The following BTN3A3 variants were observed in gnomAD, a reference collection of about 807,000 sequenced individuals.
BTN3A3 encodes the protein butyrophilin 3.
A neutral mutation model predicts 43.2 loss-of-function variants in BTN3A3; 39 were observed. That is an observed-to-expected ratio of 0.90 (90% CI 0.70 to 1.18). The LOEUF (loss-of-function observed/expected upper bound fraction) is 1.18, where lower values mean the gene tolerates loss of function less well. BTN3A3 is among the 50% of genes most tolerant of loss of function. The pLI, the probability that BTN3A3 is intolerant of heterozygous loss-of-function variation, is 0.00. For synonymous variants in BTN3A3, 255 were observed against 272.7 expected, an observed-to-expected ratio of 0.93 and a Z score of 0.64; for missense variants, 631 against 722.8, an observed-to-expected ratio of 0.87 and a Z score of 1.46.
intron 8 of BTN3A3, 103 bp downstream of exon 8, chr6:26,448,857 T>A: frequency 7.1e-7 from 1 of 1,404,806 alleles, no homozygotes; most frequent in Non-Finnish European, 1.0e-6. Context: ...GGTTGAAAAA[T>A]GGTCCTAGAT....
intron 10 of BTN3A3, among the ~76,000 whole-genome samples, 186 bp from the exon 11 acceptor site, chr6:26,451,489 C>T (rs1046254846): frequency 2.6e-5 from 4 of 152,130 alleles, no homozygotes; most frequent in African/African-American, 9.7e-5. Flanking sequence ...ACTTTCATTT[C>T]CCCTCTGGAC....
At chr6:26,448,225 A>G (rs1253116193) in intron 5 of BTN3A3, 23 bp from the exon 6 acceptor site, 1 of 1,610,786 alleles carries the variant, frequency 6.2e-7, no homozygotes, top group South Asian at 1.1e-5. Context: ...AGCTCCCATG[A>G]CCCACAGCTC....
rs966599419 is a variant in BTN3A3 at position 26,452,535 on chromosome 6, G to A, written c.*124G>A. ...TAACTTTACAAAGTAGACATGACAA[G>A]TGAACAGCAGAGCTGGGATCTAAAC... On this transcript the variant is annotated 3_prime_UTR_variant, in exon 11 of 11. Transcript: ENST00000244519. 2.9e-5 allele frequency: 23 copies of A among 803,394 alleles called. No individual in the cohort carries two copies. The highest frequency in any genetic ancestry group is 4.0e-5 in the Non-Finnish European group (21 of 522,704). The allele number at this position is 803,394 out of a possible 1,614,324, so 49.8% of individuals were successfully genotyped here. A position where few individuals can be genotyped will look rare whatever the true frequency, so the allele number is the denominator to read the frequency against.
rs201968625 is a variant in BTN3A3, at chr6:26,452,333, C to A, written c.1677C>A (p.His559Gln). 2 of 1,612,452 alleles carry A rather than the reference C, an allele frequency of 1.2e-6. No individual in the cohort carries two copies. The highest frequency in any genetic ancestry group is 2.7e-5 in the African/African-American group (2 of 74,918). ...TAACATCTCTGCTTCTCCCTGCCCA[C>A]CCTGGAGCTGAGGTCTCCCCTTCTG... Reference protein sequence around the residue: ...AEVTSLLLPAHPGAEVSPSAT... With the variant: ...AEVTSLLLPAQPGAEVSPSAT... Residue 559 changes from histidine (H) to glutamine (Q), a missense_variant, in exon 11 of 11, where the codon CAC becomes CAA. This residue lies in a region of BTN3A3 where 551 missense variants were observed against 584.0 expected (regional missense o/e 0.94). Coordinates refer to ENST00000244519, the MANE Select transcript of BTN3A3 (RefSeq NM_006994.5).
chr6:26,450,973 C>G (rs1762915451), intron 10 of BTN3A3, among the ~76,000 whole-genome samples: 1 of 152,158 alleles, frequency 6.6e-6, no homozygotes, highest in South Asian at 2.1e-4. Context: ...CTCCCATTGG[C>G]CAAACCCAAC....
At chr6:26,450,595 G>T (rs773364291) in intron 10 of BTN3A3, among the ~76,000 whole-genome samples, 1 of 152,184 alleles carries the variant, frequency 6.6e-6, no homozygotes, top group Admixed American at 6.5e-5. Flanking sequence ...TGTTTTGTGG[G>T]GGTGAGGTGA....
At chr6:26,441,960 GATA>G (rs1762647633) in intron 1 of BTN3A3, among the ~76,000 whole-genome samples, 1 of 152,194 alleles carries the variant, frequency 6.6e-6, no homozygotes, top group African/African-American at 2.4e-5. Context: ...TGAAACCAGT[GATA>G]ATAAAAATGA....
intron 1 of BTN3A3, among the ~76,000 whole-genome samples, chr6:26,443,131 C>T (rs2113833504): frequency 6.6e-6 from 1 of 152,232 alleles, no homozygotes; most frequent in East Asian, 1.9e-4. Flanking sequence ...GCCACCAGGC[C>T]ATAAGTTGAC....
Position 26,451,779 on chromosome 6 carries a change from C to T in BTN3A3, c.1123C>T (p.Pro375Ser), listed in dbSNP as rs1161381952. The change falls in exon 11 of 11, where the codon CCT becomes TCT. Residue 375 changes from proline (P) to serine (S), a missense_variant. Transcript: ENST00000244519. Reference sequence around the variant, plus strand: ...AGAGCCGCGGGATCTGCCAGACAACCCTGAGAGATTTGAATGGCGTTACTG... The same window carrying T: ...AGAGCCGCGGGATCTGCCAGACAACTCTGAGAGATTTGAATGGCGTTACTG... Reference protein sequence around the residue: ...AEEPRDLPDNPERFEWRYCVL... With the variant: ...AEEPRDLPDNSERFEWRYCVL... The T allele has an allele frequency of 1.2e-6, 2 of 1,614,002 alleles. No homozygotes were observed. Among genetic ancestry groups the T allele is most frequent in the Non-Finnish European group, 8.5e-7 (1 of 1,179,914 alleles).
Position 26,452,209 on chromosome 6 carries a change from TAG to T in BTN3A3, c.1558_1559del (p.Ser520PhefsTer5), listed in dbSNP as rs1200212727. The T allele has an allele frequency of 6.2e-7, 1 of 1,613,952 alleles. No homozygotes were observed. The highest frequency in any genetic ancestry group is 8.5e-7 in the Non-Finnish European group (1 of 1,180,022). On this transcript the variant is annotated frameshift_variant, in exon 11 of 11. Coordinates refer to ENST00000244519, the MANE Select transcript of BTN3A3 (RefSeq NM_006994.5). LOFTEE classifies it low-confidence loss of function (END_TRUNC). ...ACCATTTGCCCAATACCAAAAGAAG[TAG>T]AGAGTTCCCCCGATCCTGACCTAGT...
intron 4 of BTN3A3, chr6:26,444,505 G>A (rs184740955): frequency 4.8e-4 from 395 of 827,450 alleles, no homozygotes; most frequent in Non-Finnish European, 6.7e-4. Context: ...CTTACATGCC[G>A]AAGTAAACAA....
chr6:26,449,660 AG>A lies in BTN3A3; in HGVS notation c.965del. The A allele has an allele frequency of 6.2e-7, 1 of 1,614,188 alleles. No homozygotes were observed. Among genetic ancestry groups the A allele is most frequent in the Non-Finnish European group, 8.5e-7 (1 of 1,180,006 alleles). ...GACACCTCTATCTTTCTTTCATTGT[AG>A]GTGGAGAGAAGTCTTTGGCCTATCA... On this transcript the variant is annotated splice_acceptor_variant, in intron 8 of 10. Transcript: ENST00000244519. LOFTEE classifies it high-confidence loss of function.
intron 4 of BTN3A3, chr6:26,445,441 C>T (rs761345311): frequency 3.4e-5 from 16 of 472,684 alleles, no homozygotes; most frequent in Admixed American, 1.0e-4. Flanking sequence ...GTCCTCAATG[C>T]ATCAATCTTT....
chr6:26,451,430 T>G (rs1473162686), intron 10 of BTN3A3, among the ~76,000 whole-genome samples: 1 of 152,154 alleles, frequency 6.6e-6, no homozygotes, highest in Non-Finnish European at 1.5e-5. Flanking sequence ...GGATCCTTAT[T>G]GCTTCCTGAG....
intron 9 of BTN3A3, 73 bp from the exon 10 acceptor site, chr6:26,450,034 G>C (rs1762887019): frequency 6.7e-7 from 1 of 1,500,264 alleles, no homozygotes; most frequent in East Asian, 2.3e-5. Context: ...AAAACGTGTA[G>C]TGAAAGGAGA....
chr6:26,449,421 T>A, intron 8 of BTN3A3: 1 of 565,038 alleles, frequency 1.8e-6, no homozygotes, highest in Non-Finnish European at 3.2e-6. Flanking sequence ...CAAAATAGAT[T>A]AGCTGGACTC....
Position 26,449,515 on chromosome 6 carries a change from G to A in BTN3A3, c.965-147G>A, listed in dbSNP as rs551029021. ...AGACTTGATATTAAGAAGAAGAGGTGAAGAGAGAATTGAGCTTGCAGAGTG... is the reference window on the plus strand; with the variant it reads ...AGACTTGATATTAAGAAGAAGAGGTAAAGAGAGAATTGAGCTTGCAGAGTG... On this transcript the variant is annotated intron_variant, in intron 8 of 10. Coordinates refer to ENST00000244519, the MANE Select transcript of BTN3A3 (RefSeq NM_006994.5). The A allele has an allele frequency of 1.2e-5, 10 of 801,916 alleles. No individual in the cohort carries two copies. The African/African-American group carries it at 1.7e-4, about 14-fold the overall frequency. The allele number at this position is 801,916 out of a possible 1,614,324, so 49.7% of individuals were successfully genotyped here.
chr6:26,448,870 C>G, intron 8 of BTN3A3, 116 bp downstream of exon 8: 1 of 1,252,094 alleles, frequency 8.0e-7, no homozygotes, highest in Non-Finnish European at 1.2e-6. Context: ...TCCTAGATCC[C>G]TTTACTCAGG....
rs1435415652 is a variant in BTN3A3 at position 26,443,979 on chromosome 6, C to A, written c.108C>A (p.Pro36=). 2 of 1,613,770 alleles carry A rather than the reference C, an allele frequency of 1.2e-6. No homozygotes were observed. The highest frequency in any genetic ancestry group is 1.7e-6 in the Non-Finnish European group (2 of 1,179,840). The change falls in exon 4 of 11, where the codon CCC becomes CCA. Residue 36 remains proline (P), a synonymous_variant. Transcript: ENST00000244519. The part of the protein sequence containing the change: ...PCSAQFSVLG[P]SGPILAMVGE... ...CAGCTCAGTTTTCTGTGCTTGGACC[C>A]TCTGGGCCCATCCTGGCCATGGTGG...
Sources: gnomAD v4.1 joint callset for allele counts (sites outside exome capture counted in the v4.1 genomes callset) on GRCh38, gnomAD v4.1.1 for gene constraint, gnomAD v4.1.1 regional missense constraint, MANE v1.5 for transcripts, NCBI Gene and HGNC (gene_info 2026-07-23, HGNC 2026-07-21) for gene names.